The following GRM5 variants were observed in gnomAD, a reference collection of about 807,000 sequenced individuals.
GRM5 encodes glutamate metabotropic receptor 5.
A neutral mutation model predicts 83.1 loss-of-function variants in GRM5; 19 were observed. The ratio of observed to expected loss-of-function variants is 0.23; its 90% CI spans 0.16 to 0.34. GRM5 has a LOEUF of 0.34. Among genes scored for constraint, GRM5 ranks in the 10% least tolerant of loss-of-function variants. The pLI, the probability that GRM5 is intolerant of heterozygous loss-of-function variation, is 1.00. For missense variants in GRM5, 1,160 were observed against 1,588.3 expected (o/e 0.73, Z 4.58); for synonymous variants, 675 against 633.6 (o/e 1.07, Z -0.98).
At chr11:88,531,602 A>G (rs1264345346) in intron 8 of GRM5, among the ~76,000 whole-genome samples, 4 of 152,120 alleles carry the variant, frequency 2.6e-5, no homozygotes, top group Non-Finnish European at 5.9e-5. Context: ...ATGTTTTCTC[A>G]TAGAAATTGC....
intron 4 of GRM5, among the ~76,000 whole-genome samples, chr11:88,634,989 G>A (rs1249400770): frequency 6.6e-6 from 1 of 152,144 alleles, no homozygotes; most frequent in African/African-American, 2.4e-5. Context: ...ATGACTCTAC[G>A]TTGCAAGGTG....
intron 5 of GRM5, among the ~76,000 whole-genome samples, chr11:88,599,727 CAGA>C (rs2097506995): frequency 6.6e-6 from 1 of 152,120 alleles, no homozygotes; most frequent in Admixed American, 6.5e-5. Flanking sequence ...AATAAAATAA[CAGA>C]AGGTCAGGCA....
intron 2 of GRM5, among the ~76,000 whole-genome samples, chr11:88,969,767 G>A (rs2135001495): frequency 6.6e-6 from 1 of 152,122 alleles, no homozygotes; most frequent in East Asian, 1.9e-4. Context: ...TATATACTTT[G>A]CATTTTCCAT....
intron 2 of GRM5, among the ~76,000 whole-genome samples, chr11:88,948,995 C>G (rs183348826): frequency 1.4e-4 from 21 of 152,260 alleles, no homozygotes; most frequent in Non-Finnish European, 2.6e-4. Context: ...TTACTGTGTG[C>G]CCCAACTAAA....
chr11:88,657,530 C>A (rs572833890), intron 3 of GRM5, among the ~76,000 whole-genome samples: 1 of 152,108 alleles, frequency 6.6e-6, no homozygotes, highest in Non-Finnish European at 1.5e-5. Flanking sequence ...TAAGGACATG[C>A]TAATCTACAG....
chr11:88,608,514 ATTTTTTTTTT>A (rs35701224), intron 4 of GRM5, among the ~76,000 whole-genome samples: 6 of 98,644 alleles, frequency 6.1e-5, no homozygotes, highest in Non-Finnish European at 1.2e-4. Context: ...GAAAACAGGG[ATTTTTTTTTT>A]TTTTTTTTTT....
rs532775840 is a variant in GRM5 at position 88,558,485 on chromosome 11, T to C, written c.2630+8568A>G. The stretch of plus-strand genomic sequence containing the variant: ...TGGAAAAGGGTTGCAATTTCTGCTG[T>C]TGAGATTTCACAGGCTGCACTCCTG... On this transcript the variant is annotated intron_variant, in intron 8 of 9. Transcript: ENST00000305447. Among the ~76,000 whole-genome samples the C allele has an allele frequency of 1.7e-4, 26 of 152,144 alleles. No homozygotes were observed. In the South Asian group the frequency reaches 5.2e-3, roughly 30 times the overall value.
chr11:88,820,374 C>CAAA (rs11457342), intron 3 of GRM5, among the ~76,000 whole-genome samples: 27,632 of 68,516 alleles, frequency 0.4, 5,353 homozygotes, highest in South Asian at 0.56. Flanking sequence ...AACTCCATCT[C>CAAA]AAAAAAAAAA....
chr11:88,512,100 T>TAAC (rs895494006), intron 9 of GRM5: 1 of 153,036 alleles, frequency 6.5e-6, no homozygotes, highest in Non-Finnish European at 1.5e-5. Flanking sequence ...ATGTTAGCAG[T>TAAC]AACAGTCTTT....
At chr11:88,925,757 C>A (rs1945777640) in intron 2 of GRM5, 1 of 453,308 alleles carries the variant, frequency 2.2e-6, no homozygotes, top group Admixed American at 2.4e-5. Context: ...ACTAAAAATA[C>A]AAAAATTACC....
At chr11:89,057,697 T>C (rs1338031100) in intron 1 of GRM5, among the ~76,000 whole-genome samples, 1 of 152,174 alleles carries the variant, frequency 6.6e-6, no homozygotes, top group African/African-American at 2.4e-5. Context: ...TCCTGTAGCC[T>C]TCAGCTGATT....
intron 2 of GRM5, among the ~76,000 whole-genome samples, chr11:88,901,330 CT>C (rs1168479889): frequency 1.3e-5 from 2 of 152,062 alleles, no homozygotes; most frequent in Non-Finnish European, 2.9e-5. Flanking sequence ...CACAACAATC[CT>C]ATAAAGTTGA....
chr11:88,870,714 G>A (rs1411032444), intron 2 of GRM5, among the ~76,000 whole-genome samples: 3 of 151,390 alleles, frequency 2.0e-5, no homozygotes, highest in East Asian at 1.9e-4. Context: ...TCTACAAAAC[G>A]ACATTTTGGA....
At chr11:89,060,575 G>A (rs1343916257) in intron 1 of GRM5, among the ~76,000 whole-genome samples, 3 of 152,116 alleles carry the variant, frequency 2.0e-5, no homozygotes, top group South Asian at 4.2e-4. Context: ...GATGCCTGAC[G>A]TGCTTAATAA....
At chr11:88,593,453 G>A (rs565768487) in intron 6 of GRM5, among the ~76,000 whole-genome samples, 24 of 152,068 alleles carry the variant, frequency 1.6e-4, no homozygotes, top group African/African-American at 4.8e-4. Flanking sequence ...TGAGGTGGGC[G>A]GATCACGAGG....
At chr11:88,730,757 C>T (rs763480689) in intron 3 of GRM5, among the ~76,000 whole-genome samples, 2 of 152,086 alleles carry the variant, frequency 1.3e-5, no homozygotes, top group South Asian at 2.1e-4. Context: ...TCTCAGCAAA[C>T]GAACACACGA....
intron 3 of GRM5, among the ~76,000 whole-genome samples, chr11:88,695,728 C>T (rs905290144): frequency 2.6e-5 from 4 of 152,100 alleles, no homozygotes; most frequent in African/African-American, 4.8e-5. Context: ...GTTATTGAAA[C>T]GGGAGTGTAG....
chr11:88,693,959 AAT>A (rs1940844388), intron 3 of GRM5, among the ~76,000 whole-genome samples: 1 of 152,162 alleles, frequency 6.6e-6, no homozygotes, highest in Non-Finnish European at 1.5e-5. Flanking sequence ...GAGACAGAAA[AAT>A]GTCATGATTA....
chr11:88,629,898 C>T (rs185579145), intron 4 of GRM5, among the ~76,000 whole-genome samples: 2 of 152,270 alleles, frequency 1.3e-5, no homozygotes, highest in African/African-American at 4.8e-5. Flanking sequence ...GCACAGTGGC[C>T]CACACAGCTT....
Sources: allele counts gnomAD v4.1 joint callset (sites outside exome capture counted in the v4.1 genomes callset), GRCh38; gene constraint gnomAD v4.1.1; transcripts MANE v1.5; gene names NCBI Gene and HGNC (gene_info 2026-07-23, HGNC 2026-07-21).